The following PDE6A variants were observed in gnomAD, a reference collection of about 807,000 sequenced individuals.
PDE6A encodes the protein rod cGMP-specific 3',5'-cyclic phosphodiesterase subunit alpha.
A neutral mutation model predicts 106.3 loss-of-function variants in PDE6A; 84 were observed. The observed-to-expected ratio is 0.79, with a 90% CI of 0.66 to 0.95. The LOEUF is 0.95. Among genes scored for constraint, PDE6A ranks in the 40% least tolerant of loss-of-function variants. The pLI is 0.00. For synonymous variants in PDE6A, 394 were observed against 386.6 expected, an observed-to-expected ratio of 1.02 and a Z score of -0.23; for missense variants, 1,052 against 1,084.9, an observed-to-expected ratio of 0.97 and a Z score of 0.43.
intron 17 of PDE6A, among the ~76,000 whole-genome samples, chr5:149,877,557 G>A (rs760005781): frequency 4.6e-5 from 7 of 151,982 alleles, no homozygotes; most frequent in Non-Finnish European, 7.4e-5. Flanking sequence ...TTACAGGCAC[G>A]CACCACAATG....
intron 1 of PDE6A, among the ~76,000 whole-genome samples, chr5:149,939,779 C>T (rs1392207150): frequency 6.6e-6 from 1 of 152,176 alleles, no homozygotes; most frequent in East Asian, 1.9e-4. Context: ...CACCTTAAAG[C>T]ATAAGATCTT....
rs372268962 is a variant in PDE6A at position 149,944,249 on chromosome 5, C to T, written c.425G>A (p.Gly142Asp). The T allele has an allele frequency of 1.2e-6, 2 of 1,613,632 alleles. No individual in the cohort carries two copies. The highest frequency in any genetic ancestry group is 2.7e-5 in the African/African-American group (2 of 74,774). Reference protein sequence around the residue: ...IVFPLDMGIVGHVAHSKKIAN... With the variant: ...IVFPLDMGIVDHVAHSKKIAN... The stretch of plus-strand genomic sequence containing the variant: ...AATCTTCTTAGAGTGTGCGACATGG[C>T]CCACGATGCCCATGTCCAAAGGGAA... Residue 142 changes from glycine (G) to aspartate (D), a missense_variant, in exon 1 of 22, where the codon GGC (glycine) becomes GAC (aspartate). Physicochemically the swap from Gly to Asp is moderately conservative, Grantham distance 94. Around this residue, in one of 3 missense-constraint regions of PDE6A, gnomAD observed 913 missense variants for 915.2 expected, o/e 1.00. Coordinates refer to ENST00000255266, the MANE Select transcript of PDE6A (RefSeq NM_000440.3).
intron 12 of PDE6A, among the ~76,000 whole-genome samples, chr5:149,896,118 A>T (rs1752740683): frequency 6.6e-6 from 1 of 152,154 alleles, no homozygotes; most frequent in South Asian, 2.1e-4. Context: ...AGGGCTTAGT[A>T]CCTCAGAACC....
chr5:149,908,130 C>T (rs572642782), intron 6 of PDE6A, among the ~76,000 whole-genome samples: 4 of 152,268 alleles, frequency 2.6e-5, no homozygotes, highest in East Asian at 1.9e-4. Context: ...CACTGTACAA[C>T]GTATATTATT....
intron 17 of PDE6A, among the ~76,000 whole-genome samples, chr5:149,871,703 G>GA (rs1760562500): frequency 6.6e-6 from 1 of 152,146 alleles, no homozygotes; most frequent in African/African-American, 2.4e-5. Context: ...TGGTTTTCAT[G>GA]CTACGAGCAA....
At position 149,907,477 on chromosome 5, in the gene PDE6A, T is replaced by C. The variant is rs917355614; in HGVS notation, c.999-99A>G. On this transcript the variant is annotated intron_variant, in intron 6 of 21. Transcript: ENST00000255266. ...TGCGCTCCCCCTGCTCTCAGGTGGC[T>C]CTCAGCACCTGCTTACATTCACTAC... is the stretch of plus-strand genomic sequence containing the variant. The C allele has an allele frequency of 6.7e-6, 6 of 894,216 alleles. No individual in the cohort carries two copies. In the African/African-American group the frequency reaches 8.2e-5, roughly 12 times the overall value. 55.4% of individuals were successfully genotyped at this position (894,216 alleles called of 1,614,324 possible).
intron 17 of PDE6A, among the ~76,000 whole-genome samples, chr5:149,872,939 G>A (rs924494752): frequency 1.3e-5 from 2 of 152,194 alleles, no homozygotes; most frequent in African/African-American, 4.8e-5. Flanking sequence ...CAAAGACTGA[G>A]CTCTGCCACT....
At chr5:149,873,624 G>A (rs577508895) in intron 17 of PDE6A, among the ~76,000 whole-genome samples, 7 of 152,164 alleles carry the variant, frequency 4.6e-5, no homozygotes, top group African/African-American at 1.2e-4. Flanking sequence ...GAGCCACCAC[G>A]CCTGGCCATG....
chr5:149,899,793 T>G (rs972846573), intron 8 of PDE6A, among the ~76,000 whole-genome samples: 5 of 152,202 alleles, frequency 3.3e-5, no homozygotes, highest in Non-Finnish European at 7.3e-5. Context: ...AGGGATGTAA[T>G]GATGTGCAGA....
At chr5:149,874,835 T>C (rs1410610836) in intron 17 of PDE6A, among the ~76,000 whole-genome samples, 1 of 152,024 alleles carries the variant, frequency 6.6e-6, no homozygotes. Context: ...ACCAAACATA[T>C]ATGTCTTCTT....
chr5:149,885,739 T>C (rs1047770272), intron 14 of PDE6A, among the ~76,000 whole-genome samples: 13 of 152,202 alleles, frequency 8.5e-5, no homozygotes, highest in Admixed American at 5.9e-4. Flanking sequence ...CTTAAAGCAA[T>C]AAAATTTATT....
At chr5:149,882,088 A>AAATAAATAAAT (rs1167735544) in intron 17 of PDE6A, among the ~76,000 whole-genome samples, 10 of 137,576 alleles carry the variant, frequency 7.3e-5, no homozygotes, top group African/African-American at 2.5e-4. Flanking sequence ...ATAAATAAAT[A>AAATAAATAAAT]AATAAAATGT....
intron 1 of PDE6A, among the ~76,000 whole-genome samples, chr5:149,943,063 T>A (rs761878891): frequency 6.6e-6 from 1 of 152,036 alleles, no homozygotes; most frequent in Non-Finnish European, 1.5e-5. Context: ...GGCTGGGGGA[T>A]GGTCAGGTCT....
At position 149,867,590 on chromosome 5, in the gene PDE6A, T is replaced by G. The variant is rs1041929182; in HGVS notation, c.2274+135A>C. On this transcript the variant is annotated intron_variant, in intron 19 of 21. Coordinates refer to ENST00000255266, the MANE Select transcript of PDE6A (RefSeq NM_000440.3). ...GGTTGACAGTGGCCTGGAGACCACA[T>G]TTTTAGAACCACTGCATTAGGAAAA... 25 of 814,378 alleles carry G rather than the reference T, an allele frequency of 3.1e-5. No homozygotes were observed. In the African/African-American group the frequency reaches 4.2e-4, roughly 14 times the overall value. The allele number at this position is 814,378 out of a possible 1,614,324, so 50.4% of individuals were successfully genotyped here. A position where few individuals can be genotyped will look rare whatever the true frequency, so the allele number is the denominator to read the frequency against.
In PDE6A at chr5:149,867,586, C is replaced by T. The variant is rs142021803; in HGVS notation, c.2274+139G>A. On this transcript the variant is annotated intron_variant, in intron 19 of 21. Transcript: ENST00000255266. ...ATGAGGTTGACAGTGGCCTGGAGACCACATTTTTAGAACCACTGCATTAGG... is the reference window on the plus strand; with the variant it reads ...ATGAGGTTGACAGTGGCCTGGAGACTACATTTTTAGAACCACTGCATTAGG... 434 of 789,154 alleles carry T rather than the reference C, an allele frequency of 5.5e-4. 4 individuals are homozygous for T. The East Asian group carries it at 0.011, about 20-fold the overall frequency. The allele number at this position is 789,154 out of a possible 1,614,324, so 48.9% of individuals were successfully genotyped here.
At chr5:149,902,149 ACCTCTCTAGAAT>A (rs1753000752) in intron 8 of PDE6A, among the ~76,000 whole-genome samples, 1 of 151,660 alleles carries the variant, frequency 6.6e-6, no homozygotes, top group African/African-American at 2.4e-5. Context: ...GTCTCTGTCC[ACCTCTCTAGAAT>A]CTTCTCCTGC....
intron 13 of PDE6A, among the ~76,000 whole-genome samples, chr5:149,889,593 C>T (rs1383627885): frequency 2.6e-5 from 4 of 152,088 alleles, no homozygotes; most frequent in African/African-American, 9.7e-5. Context: ...CTGGCGCATG[C>T]CACCACACTA....
At chr5:149,912,831 A>G (rs1753428911) in intron 6 of PDE6A, among the ~76,000 whole-genome samples, 1 of 152,176 alleles carries the variant, frequency 6.6e-6, no homozygotes, top group South Asian at 2.1e-4. Context: ...CTGCCATAAT[A>G]AAAAACCTAA....
intron 13 of PDE6A, among the ~76,000 whole-genome samples, chr5:149,891,248 T>A (rs190991279): frequency 2.0e-5 from 3 of 152,288 alleles, no homozygotes; most frequent in Non-Finnish European, 4.4e-5. Context: ...GGTGGGCAGA[T>A]CACCTGAGGT....
Sources: gnomAD v4.1 joint callset for allele counts (sites outside exome capture counted in the v4.1 genomes callset) on GRCh38, gnomAD v4.1.1 for gene constraint, gnomAD v4.1.1 regional missense constraint, MANE v1.5 for transcripts, NCBI Gene and HGNC (gene_info 2026-07-23, HGNC 2026-07-21) for gene names.